Variants in HDAC8 observed in about 807,000 individuals in gnomAD.
The protein encoded by HDAC8 is histone deacetylase 8, also known as histone deacetylase-like 1.
HDAC8 carries 1 observed loss-of-function variant against 32.2 expected under a neutral mutation model. The ratio of observed to expected loss-of-function variants is 0.03; its 90% confidence interval spans 0.01 to 0.15. The LOEUF is 0.15. Among genes scored for constraint, HDAC8 ranks in the 10% least tolerant of loss-of-function variants. HDAC8 has a pLI of 1.00. For missense variants in HDAC8, 117 were observed against 300.0 expected (o/e 0.39, Z 4.51); for synonymous variants, 108 against 113.9 (o/e 0.95, Z 0.33).
chrX:72,474,434 T>A (rs1329453432), intron 7 of HDAC8: 1 of 962,925 alleles, frequency 1.0e-6, no homozygotes, highest in African/African-American at 2.0e-5. Flanking sequence ...TTTGGGAAAG[T>A]TTCCCTAACC....
chrX:72,464,367 A>G (rs192426722), intron 8 of HDAC8, 192 bp downstream of exon 8: 3 of 444,305 alleles, frequency 6.8e-6, no homozygotes, highest in Non-Finnish European at 1.2e-5. Context: ...TGCACATGCT[A>G]AGCTGAGAAG....
At chrX:72,533,121 T>A (rs1556037015) in intron 4 of HDAC8, among the ~76,000 whole-genome samples, 1 of 111,889 alleles carries the variant, frequency 8.9e-6, no homozygotes, top group African/African-American at 3.3e-5. Flanking sequence ...AAGAGGCTAT[T>A]CTTTTCCCAT....
chrX:72,567,261 T>A (rs1222904058), intron 4 of HDAC8, among the ~76,000 whole-genome samples: 1 of 112,453 alleles, frequency 8.9e-6, no homozygotes, highest in Non-Finnish European at 1.9e-5. Context: ...CATCTACCTC[T>A]GGGTTGCTAC....
intron 9 of HDAC8, among the ~76,000 whole-genome samples, chrX:72,374,731 G>C (rs1330776854): frequency 1.8e-5 from 2 of 108,806 alleles, no homozygotes; most frequent in Non-Finnish European, 3.8e-5. Context: ...CAAATATTTT[G>C]ATTCACAAAT....
chrX:72,415,368 C>A (rs1309779429), intron 9 of HDAC8, among the ~76,000 whole-genome samples: 3 of 112,022 alleles, frequency 2.7e-5, no homozygotes, highest in African/African-American at 9.7e-5. Context: ...TAGAGTGAGT[C>A]CTCCTGCTTT....
chrX:72,450,198 G>T lies in HDAC8; in HGVS notation c.1005+11806C>A, dbSNP rs782646573. On this transcript the variant is annotated intron_variant, in intron 9 of 10. Transcript: ENST00000373573. ...TCCACTTATATCACATTGTCTAAAT[G>T]AAAAAGTCATAGAGATGAAGAAAGG... Among the ~76,000 whole-genome samples, 10 of 112,005 alleles carry T rather than the reference G, an allele frequency of 8.9e-5. 1 individual carries two copies. In the South Asian group the frequency reaches 3.7e-3, roughly 42 times the overall value.
intron 4 of HDAC8, among the ~76,000 whole-genome samples, chrX:72,550,952 C>T (rs1363097532): frequency 9.0e-6 from 1 of 111,365 alleles, no homozygotes; most frequent in African/African-American, 3.3e-5. Context: ...AATCTAACCC[C>T]ATCCATCTGT....
At chrX:72,336,855 T>C (rs1164676802) in intron 10 of HDAC8, among the ~76,000 whole-genome samples, 5 of 111,272 alleles carry the variant, frequency 4.5e-5, no homozygotes, top group African/African-American at 6.5e-5. Context: ...GCTCAAGTGA[T>C]CCTCCCACCT....
At chrX:72,518,903 A>AT (rs1334289439) in intron 4 of HDAC8, among the ~76,000 whole-genome samples, 1 of 112,626 alleles carries the variant, frequency 8.9e-6, no homozygotes, top group Non-Finnish European at 1.9e-5. Flanking sequence ...TCAGGGCTTA[A>AT]TAGCTCATTT....
At chrX:72,396,105 T>G (rs2045754402) in intron 9 of HDAC8, among the ~76,000 whole-genome samples, 1 of 112,079 alleles carries the variant, frequency 8.9e-6, no homozygotes, top group Non-Finnish European at 1.9e-5. Flanking sequence ...TAGTAGAAGA[T>G]GCCATTAGAA....
At position 72,495,908 on chromosome X, in the gene HDAC8, T is replaced by G. The variant is rs146621333; in HGVS notation, c.438-640A>C. On this transcript the variant is annotated intron_variant, in intron 4 of 10. Coordinates refer to ENST00000373573, the MANE Select transcript of HDAC8 (RefSeq NM_018486.3). ...TATAAAGTTATTTTGTTTTCTTCAC[T>G]AAAATTCTCTTCATTGACTTCACTG... Among the ~76,000 whole-genome samples, 350 of 112,113 alleles carry G rather than the reference T, an allele frequency of 3.1e-3. 1 individual carries two copies. The highest frequency in any genetic ancestry group is 0.011 in the African/African-American group (340 of 30,947).
chrX:72,354,259 C>T (rs955749229), intron 9 of HDAC8, among the ~76,000 whole-genome samples: 1 of 112,291 alleles, frequency 8.9e-6, no homozygotes. Flanking sequence ...TTCTCCCCAC[C>T]TTTGCCAATC....
intron 9 of HDAC8, among the ~76,000 whole-genome samples, chrX:72,391,763 G>T (rs1351420341): frequency 9.0e-6 from 1 of 111,118 alleles, no homozygotes; most frequent in Non-Finnish European, 1.9e-5. Context: ...CTCTCTTTAA[G>T]AAACAGCTCA....
At chrX:72,436,961 A>G (rs1555979430) in intron 9 of HDAC8, among the ~76,000 whole-genome samples, 2 of 112,429 alleles carry the variant, frequency 1.8e-5, no homozygotes, top group Non-Finnish European at 3.8e-5. Flanking sequence ...AGAATACTAT[A>G]GATAAATAAA....
intron 4 of HDAC8, among the ~76,000 whole-genome samples, chrX:72,518,649 T>A (rs2049883787): frequency 8.9e-6 from 1 of 112,005 alleles, no homozygotes; most frequent in Admixed American, 9.5e-5. Context: ...TTTGGACAAA[T>A]ACATGATGCC....
chrX:72,337,405 GCAGA>G (rs2043730689), intron 10 of HDAC8, among the ~76,000 whole-genome samples: 2 of 111,826 alleles, frequency 1.8e-5, no homozygotes, highest in South Asian at 7.6e-4. Flanking sequence ...AGTGGACAGA[GCAGA>G]CATAGAACAG....
intron 7 of HDAC8, among the ~76,000 whole-genome samples, chrX:72,483,165 G>A (rs1603041516): frequency 8.9e-6 from 1 of 111,992 alleles, no homozygotes; most frequent in African/African-American, 3.2e-5. Flanking sequence ...TATGTAGCTT[G>A]GTAGCTCCTT....
intron 9 of HDAC8, among the ~76,000 whole-genome samples, chrX:72,436,887 A>G (rs1339120799): frequency 8.9e-6 from 1 of 112,218 alleles, no homozygotes; most frequent in African/African-American, 3.2e-5. Context: ...ACTGTGATAA[A>G]TTATACATGT....
At chrX:72,397,072 T>C (rs2045784613) in intron 9 of HDAC8, among the ~76,000 whole-genome samples, 1 of 110,526 alleles carries the variant, frequency 9.0e-6, no homozygotes, top group Non-Finnish European at 1.9e-5. Context: ...GCACATCACA[T>C]GGTGAAAGCA....
Sources: allele counts gnomAD v4.1 joint callset (sites outside exome capture counted in the v4.1 genomes callset), GRCh38; gene constraint gnomAD v4.1.1; transcripts MANE v1.5; gene names NCBI Gene and HGNC (gene_info 2026-07-23, HGNC 2026-07-21).